The following HECW2 variants were observed in gnomAD, a reference collection of about 807,000 sequenced individuals.
The protein encoded by HECW2 is E3 ubiquitin-protein ligase HECW2.
HECW2 carries 61 observed loss-of-function variants against 175.2 expected under a neutral mutation model. That is an observed-to-expected ratio of 0.35 (90% confidence interval 0.28 to 0.43). The LOEUF (loss-of-function observed/expected upper bound fraction) is 0.43. Ranked by LOEUF, HECW2 falls within the 20% of genes least tolerant of loss-of-function variation. The pLI is 1.00. For synonymous variants in HECW2, 671 were observed against 731.0 expected (o/e 0.92, Z 1.32); for missense variants, 1,524 against 2,000.5 (o/e 0.76, Z 4.54).
In HECW2 at chr2:196,320,418, G is replaced by A. The variant is rs765720502; in HGVS notation, c.906C>T (p.Asn302=). The change falls in exon 8 of 29, where the codon AAC becomes AAT. Residue 302 remains asparagine (N), a synonymous_variant. Transcript: ENST00000644978. ...GGTCAGCTGGGAGCCTTCTGCCAAGGTTGTAGCTGAGCATTTGATCACTGC... is the reference window on the plus strand; with the variant it reads ...GGTCAGCTGGGAGCCTTCTGCCAAGATTGTAGCTGAGCATTTGATCACTGC... The part of the protein sequence containing the change: ...QAIGDQMLSY[N]LGRRLPADHV... 1.1e-5 allele frequency: 17 copies of A among 1,611,716 alleles called. No individual in the cohort carries two copies. Among genetic ancestry groups the A allele is most frequent in the Non-Finnish European group, 1.4e-5 (17 of 1,178,110 alleles).
chr2:196,574,323 A>T (rs565075011), intron 1 of HECW2, among the ~76,000 whole-genome samples: 1 of 151,982 alleles, frequency 6.6e-6, no homozygotes, highest in Admixed American at 6.6e-5. Flanking sequence ...CCAGCTACTC[A>T]GGAGGCTGAG....
At chr2:196,428,115 C>A (rs930618247) in intron 2 of HECW2, among the ~76,000 whole-genome samples, 1 of 152,132 alleles carries the variant, frequency 6.6e-6, no homozygotes, top group Non-Finnish European at 1.5e-5. Context: ...GAAACACAAT[C>A]AAAATGCAGA....
At chr2:196,588,027 T>C (rs554182684) in intron 1 of HECW2, among the ~76,000 whole-genome samples, 4 of 152,326 alleles carry the variant, frequency 2.6e-5, no homozygotes, top group Non-Finnish European at 5.9e-5. Context: ...TCTCTTACCT[T>C]CCGTTAACTC....
At chr2:196,286,748 T>C (rs570103863) in intron 14 of HECW2, among the ~76,000 whole-genome samples, 122 of 152,334 alleles carry the variant, frequency 8.0e-4, no homozygotes, top group South Asian at 5.6e-3. Flanking sequence ...TTAAACCAGA[T>C]ACCCACCACA....
chr2:196,572,573 A>T (rs1690424597), intron 1 of HECW2, among the ~76,000 whole-genome samples: 1 of 152,220 alleles, frequency 6.6e-6, no homozygotes, highest in Non-Finnish European at 1.5e-5. Context: ...ATTTAAAAAT[A>T]GTTTAAGATA....
At chr2:196,533,376 C>T (rs191704625) in intron 1 of HECW2, among the ~76,000 whole-genome samples, 157 of 152,290 alleles carry the variant, frequency 1.0e-3, no homozygotes, top group Non-Finnish European at 1.7e-3. Context: ...AGAGCCCCTT[C>T]CATAACAGGA....
At chr2:196,585,713 TG>T (rs1690949878) in intron 1 of HECW2, among the ~76,000 whole-genome samples, 1 of 149,990 alleles carries the variant, frequency 6.7e-6, no homozygotes, top group Admixed American at 6.7e-5. Flanking sequence ...GAGGAAAAAA[TG>T]GAGGGAGGAA....
chr2:196,373,642 T>C (rs1693966093), intron 2 of HECW2, among the ~76,000 whole-genome samples: 1 of 152,230 alleles, frequency 6.6e-6, no homozygotes, highest in African/African-American at 2.4e-5. Flanking sequence ...AAAAAGCTAT[T>C]GTTTTTAAAA....
At chr2:196,588,209 TA>T (rs1348146657) in intron 1 of HECW2, among the ~76,000 whole-genome samples, 2 of 152,220 alleles carry the variant, frequency 1.3e-5, no homozygotes, top group Non-Finnish European at 2.9e-5. Flanking sequence ...ATGAAAACTC[TA>T]CAAGGTCAGA....
rs528043246 is a variant in HECW2, at chr2:196,508,528, G to A, written c.-35-75070C>T. ...TAAAAAGCTTCAGTGTGTGCAGAGAGTTGTGTGTAGGATGAGTAGGTGGGG... is the reference window on the plus strand; with the variant it reads ...TAAAAAGCTTCAGTGTGTGCAGAGAATTGTGTGTAGGATGAGTAGGTGGGG... On this transcript the variant is annotated intron_variant, in intron 1 of 28. Transcript: ENST00000644978. Among the ~76,000 whole-genome samples the A allele has an allele frequency of 2.0e-5, 3 of 152,340 alleles. No homozygotes were observed. The South Asian group carries it at 6.2e-4, about 32-fold the overall frequency.
intron 1 of HECW2, among the ~76,000 whole-genome samples, chr2:196,540,534 C>G (rs1254708031): frequency 6.6e-6 from 1 of 152,094 alleles, no homozygotes; most frequent in Non-Finnish European, 1.5e-5. Context: ...TCATCTTGAA[C>G]TTCTGGCTCA....
intron 17 of HECW2, among the ~76,000 whole-genome samples, chr2:196,266,885 T>A (rs765110692): frequency 2.0e-5 from 3 of 152,048 alleles, no homozygotes; most frequent in Admixed American, 2.0e-4. Context: ...TGAAAGGAAA[T>A]AGAAGGTTCA....
intron 1 of HECW2, among the ~76,000 whole-genome samples, chr2:196,555,316 C>G (rs952788067): frequency 2.6e-5 from 4 of 152,072 alleles, no homozygotes; most frequent in Non-Finnish European, 5.9e-5. Context: ...CTCCTTCTTG[C>G]TGGGTCCTTA....
At chr2:196,582,093 T>TAATAATAATAATAATAATAATAATAAA (rs1553540038) in intron 1 of HECW2, among the ~76,000 whole-genome samples, 11 of 151,830 alleles carry the variant, frequency 7.2e-5, no homozygotes, top group African/African-American at 2.7e-4. Context: ...ATAATAATAA[T>TAATAATAATAATAATAATAATAATAAA]AAATTATCCT....
At position 196,201,239 on chromosome 2, in the gene HECW2, A is replaced by C. The variant is rs966108803; in HGVS notation, c.*38T>G. ...CATTCTTCTAGAAGGCAGCTTCTGA[A>C]CCTGCCTGTCCACAGAGATGGGCAT... On this transcript the variant is annotated 3_prime_UTR_variant, in exon 29 of 29. Coordinates refer to ENST00000644978, the MANE Select transcript of HECW2 (RefSeq NM_001348768.2). The C allele has an allele frequency of 7.6e-7, 1 of 1,315,084 alleles. No individual in the cohort carries two copies. 81.5% of individuals were successfully genotyped at this position (1,315,084 alleles called of 1,614,324 possible).
At chr2:196,492,960 A>G (rs1173996278) in intron 1 of HECW2, among the ~76,000 whole-genome samples, 2 of 152,230 alleles carry the variant, frequency 1.3e-5, no homozygotes, top group Non-Finnish European at 2.9e-5. Flanking sequence ...CTTAAAAATA[A>G]ATAGACAAAA....
intron 1 of HECW2, among the ~76,000 whole-genome samples, chr2:196,569,366 C>CTAAAATAAAA (rs1491207969): frequency 9.6e-6 from 1 of 104,710 alleles, no homozygotes; most frequent in African/African-American, 5.2e-5. Flanking sequence ...CTAAACTAAA[C>CTAAAATAAAA]TAAACTAAAA....
At position 196,200,198 on chromosome 2, in the gene HECW2, C is replaced by A. The variant is rs567146780; in HGVS notation, c.*1079G>T. 1 of 152,546 alleles carries A rather than the reference C, an allele frequency of 6.6e-6. No individual in the cohort carries two copies. The highest frequency in any genetic ancestry group is 1.5e-5 in the Non-Finnish European group (1 of 67,994). The allele number at this position is 152,546 out of a possible 1,614,324, so 9.4% of individuals were successfully genotyped here. A position where few individuals can be genotyped will look rare whatever the true frequency, so the allele number is the denominator to read the frequency against. Reference sequence around the variant, plus strand: ...TGCACAGTCCTTGTAGTGGTAGACACGGCACTGTGAAGGAAGTTTGATTTA... The same window carrying A: ...TGCACAGTCCTTGTAGTGGTAGACAAGGCACTGTGAAGGAAGTTTGATTTA... On this transcript the variant is annotated 3_prime_UTR_variant, in exon 29 of 29. Transcript: ENST00000644978.
chr2:196,286,847 T>C (rs1434757023), intron 14 of HECW2, among the ~76,000 whole-genome samples: 2 of 152,212 alleles, frequency 1.3e-5, no homozygotes, highest in African/African-American at 4.8e-5. Context: ...TTTCAAAATG[T>C]AGCACTTATC....
Sources: gnomAD v4.1 joint callset for allele counts (sites outside exome capture counted in the v4.1 genomes callset) on GRCh38, gnomAD v4.1.1 for gene constraint, MANE v1.5 for transcripts, NCBI Gene and HGNC (gene_info 2026-07-23, HGNC 2026-07-21) for gene names.